ARK2N: variants seen among roughly 807,000 people sequenced by gnomAD.
The protein encoded by ARK2N is arkadia (RNF111) N-terminal like PKA signaling regulator 2N, also known as protein ARK2N.
At chr18:46,257,447 G>A in the ARK2N span, among the ~76,000 whole-genome samples, 61 of 152,186 alleles carry the variant, frequency 4.0e-4, no homozygotes, top group African/African-American at 1.4e-3. Context: ...TAGAAAGCAT[G>A]CTTTCTGAGC....
At chr18:46,187,918 A>G in the ARK2N span, among the ~76,000 whole-genome samples, 5 of 152,194 alleles carry the variant, frequency 3.3e-5, no homozygotes, top group Non-Finnish European at 7.3e-5. Flanking sequence ...CTAAACTGCT[A>G]TGAGGCTAAA....
the ARK2N span, among the ~76,000 whole-genome samples, chr18:46,174,760 C>A: frequency 6.6e-6 from 1 of 152,198 alleles, no homozygotes. Context: ...TTTCCGGCTC[C>A]TAGGCCCGCG....
At chr18:46,233,442 T>C in the ARK2N span, among the ~76,000 whole-genome samples, 1 of 152,192 alleles carries the variant, frequency 6.6e-6, no homozygotes, top group Non-Finnish European at 1.5e-5. Flanking sequence ...AATTGAAAGA[T>C]GGTGACCTCT....
the ARK2N span, among the ~76,000 whole-genome samples, chr18:46,203,279 A>T: frequency 6.6e-6 from 1 of 152,232 alleles, no homozygotes; most frequent in East Asian, 1.9e-4. Context: ...AAATTGTGAT[A>T]TAGTTATACA....
chr18:46,193,183 G>C, the ARK2N span, among the ~76,000 whole-genome samples: 1 of 151,716 alleles, frequency 6.6e-6, no homozygotes, highest in Non-Finnish European at 1.5e-5. Flanking sequence ...AACAAACAAA[G>C]AATGTAAGAA....
At chr18:46,176,288 A>G in the ARK2N span, among the ~76,000 whole-genome samples, 1 of 152,142 alleles carries the variant, frequency 6.6e-6, no homozygotes, top group African/African-American at 2.4e-5. Flanking sequence ...TCTTCTTTCT[A>G]AAGTTTGGAA....
the ARK2N span, among the ~76,000 whole-genome samples, chr18:46,256,418 TA>T: frequency 4.0e-5 from 6 of 151,350 alleles, no homozygotes; most frequent in African/African-American, 7.3e-5. Flanking sequence ...CTTCTTTTTT[TA>T]AAAAAAAATA....
At chr18:46,190,180 T>C in the ARK2N span, among the ~76,000 whole-genome samples, 94,823 of 151,994 alleles carry the variant, frequency 0.62, 31,739 homozygotes, top group Non-Finnish European at 0.74. Flanking sequence ...TAGAGATAGT[T>C]GTCAACATGG....
the ARK2N span, among the ~76,000 whole-genome samples, chr18:46,204,248 T>C: frequency 6.6e-6 from 1 of 152,258 alleles, no homozygotes; most frequent in African/African-American, 2.4e-5. Context: ...GATTGGTATA[T>C]ACCCTATCAC....
the ARK2N span, chr18:46,240,133 A>G: frequency 6.2e-7 from 1 of 1,614,230 alleles, no homozygotes; most frequent in South Asian, 1.1e-5. Flanking sequence ...CGGCCAGGAC[A>G]CAGGAGCTAC....
chr18:46,211,093 G>A, the ARK2N span, among the ~76,000 whole-genome samples: 14 of 152,124 alleles, frequency 9.2e-5, no homozygotes, highest in Non-Finnish European at 1.8e-4. Context: ...AGAGAGAGTC[G>A]TCAGGCATAA....
chr18:46,203,876 C>T, the ARK2N span, among the ~76,000 whole-genome samples: 21 of 152,204 alleles, frequency 1.4e-4, no homozygotes, highest in Non-Finnish European at 2.6e-4. Context: ...TGTGAGCCAC[C>T]GCAACCCCCA....
At chr18:46,190,310 G>A in the ARK2N span, among the ~76,000 whole-genome samples, 1 of 151,838 alleles carries the variant, frequency 6.6e-6, no homozygotes, top group Non-Finnish European at 1.5e-5. Flanking sequence ...ACATGAAGTC[G>A]GGGATTCAAG....
At chr18:46,248,344 C>G in the ARK2N span, among the ~76,000 whole-genome samples, 2 of 152,154 alleles carry the variant, frequency 1.3e-5, no homozygotes, top group Admixed American at 6.5e-5. Context: ...ATGGAGTTGG[C>G]ATTCCAGAAG....
the ARK2N span, among the ~76,000 whole-genome samples, chr18:46,202,575 G>T: frequency 2.0e-5 from 3 of 152,218 alleles, no homozygotes; most frequent in Admixed American, 2.0e-4. Context: ...ATCACCTGAG[G>T]TCAGGAGTTT....
chr18:46,220,174 A>T, the ARK2N span, among the ~76,000 whole-genome samples: 1 of 152,218 alleles, frequency 6.6e-6, no homozygotes, highest in South Asian at 2.1e-4. Flanking sequence ...CGTGGCAGGT[A>T]AGAGTCGGTT....
the ARK2N span, among the ~76,000 whole-genome samples, chr18:46,213,620 C>T: frequency 6.6e-6 from 1 of 152,132 alleles, no homozygotes; most frequent in South Asian, 2.1e-4. Flanking sequence ...ACTTAGCCTC[C>T]AACATTAGTA....
chr18:46,174,848 C>T, the ARK2N span, among the ~76,000 whole-genome samples: 1 of 152,178 alleles, frequency 6.6e-6, no homozygotes, highest in Non-Finnish European at 1.5e-5. Flanking sequence ...CAGCGGAGAG[C>T]TCCGGCGCCG....
chr18:46,241,905 C>T, the ARK2N span, among the ~76,000 whole-genome samples: 1 of 151,952 alleles, frequency 6.6e-6, no homozygotes, highest in African/African-American at 2.4e-5. Context: ...CAACCTCCGC[C>T]TCCTGGGTTC....
Sources: gnomAD v4.1 joint callset for allele counts (sites outside exome capture counted in the v4.1 genomes callset) on GRCh38, gnomAD v4.1.1 for gene constraint, MANE v1.5 for transcripts, NCBI Gene and HGNC (gene_info 2026-07-23, HGNC 2026-07-21) for gene names.